URB2: variants seen among roughly 807,000 people sequenced by gnomAD.
URB2 encodes URB2 ribosome biogenesis homolog, also known as unhealthy ribosome biogenesis protein 2 homolog.
A neutral mutation model predicts 120.9 loss-of-function variants in URB2; 86 were observed. That is an observed-to-expected ratio of 0.71 (90% CI 0.60 to 0.85). The LOEUF (loss-of-function observed/expected upper bound fraction) is 0.85, where lower values mean the gene tolerates loss of function less well. Ranked by LOEUF, URB2 falls within the 40% of genes least tolerant of loss-of-function variation. URB2 has a pLI of 0.00. For missense variants in URB2, 1,765 were observed against 1,836.5 expected (o/e 0.96, Z 0.71); for synonymous variants, 755 against 758.4 (o/e 1.00, Z 0.07).
intron 9 of URB2, among the ~76,000 whole-genome samples, chr1:229,658,159 A>T (rs1666447268): frequency 6.6e-6 from 1 of 152,164 alleles, no homozygotes; most frequent in Non-Finnish European, 1.5e-5. Context: ...ACTGTTCATT[A>T]CTACTGCTTT....
intron 4 of URB2, 130 bp from the exon 5 acceptor site, chr1:229,643,403 T>C (rs1026696220): frequency 9.8e-7 from 1 of 1,023,732 alleles, no homozygotes; most frequent in Non-Finnish European, 1.5e-6. Flanking sequence ...CCACCAGTGC[T>C]TATATCACCA....
At chr1:229,651,206 C>T (rs542119407) in intron 7 of URB2, 29 bp from the exon 8 acceptor site, 243 of 1,577,450 alleles carry the variant, frequency 1.5e-4, no homozygotes, top group Non-Finnish European at 2.0e-4. Context: ...CACGTATGTA[C>T]TTTTACATTC....
intron 5 of URB2, 74 bp from the exon 6 acceptor site, chr1:229,645,785 T>G (rs881694): frequency 0.53 from 681,126 of 1,282,964 alleles, 184,154 homozygotes; most frequent in East Asian, 0.8. Context: ...CAGAGAGCAG[T>G]CTTCTTCCCC....
At position 229,659,199 on chromosome 1, in the gene URB2, C is replaced by T; in HGVS notation, c.4477C>T (p.Leu1493=). ...EPDVQFLRAS[L]QPGMRDIFKE... ...TGACGTCCAGTTCCTGCGGGCCTCG[C>T]TGCAGCCGGGAATGAGAGACATCTT... Residue 1493 remains leucine (L), a synonymous_variant, in exon 10 of 10, where the codon CTG becomes TTG. Transcript: ENST00000258243. 6.2e-7 allele frequency: 1 copy of T among 1,613,890 alleles called. No homozygotes were observed. Among genetic ancestry groups the T allele is most frequent in the Non-Finnish European group, 8.5e-7 (1 of 1,180,034 alleles).
intron 8 of URB2, among the ~76,000 whole-genome samples, chr1:229,653,519 T>G (rs1666331302): frequency 1.3e-5 from 2 of 152,156 alleles, no homozygotes; most frequent in African/African-American, 4.8e-5. Flanking sequence ...TTTCTGGAGT[T>G]TTATAAAAAT....
chr1:229,628,136 A>G, intron 2 of URB2, among the ~76,000 whole-genome samples: 2 of 118,982 alleles, frequency 1.7e-5, no homozygotes, highest in African/African-American at 7.4e-5. Flanking sequence ...TACATATATA[A>G]TATATATATA....
intron 5 of URB2, among the ~76,000 whole-genome samples, chr1:229,644,343 C>G (rs562366674): frequency 6.6e-6 from 1 of 152,346 alleles, no homozygotes; most frequent in South Asian, 2.1e-4. Context: ...CTTATTGACT[C>G]CTGGTCATAT....
rs1239994746 is a variant in URB2 at position 229,629,479 on chromosome 1, G to T, written c.126+1720G>T. On this transcript the variant is annotated intron_variant, in intron 2 of 9. Coordinates refer to ENST00000258243, the MANE Select transcript of URB2 (RefSeq NM_014777.4). ...ATAGATCACAATATTGTGAGTCACA[G>T]AAATTTTTTGGTTTCCTAGTGCATA... Among the ~76,000 whole-genome samples the T allele has an allele frequency of 2.0e-5, 3 of 152,284 alleles. No individual in the cohort carries two copies. The South Asian group carries it at 6.2e-4, about 32-fold the overall frequency.
At chr1:229,643,301 G>A (rs563572721) in intron 4 of URB2, among the ~76,000 whole-genome samples, 1 of 152,240 alleles carries the variant, frequency 6.6e-6, no homozygotes, top group Non-Finnish European at 1.5e-5. Context: ...CATGGCTGTC[G>A]TCTTCTGTGT....
In URB2 at chr1:229,626,376, TCAGCCCCTGCGGG is replaced by T. The variant is rs773587721; in HGVS notation, c.-14+26_-14+38del. On this transcript the variant is annotated intron_variant, in intron 1 of 9. Transcript: ENST00000258243. ...CCCGAGGTGAGTCCCCCACCTGCGG[TCAGCCCCTGCGGG>T]CAGCCAGGTCCCGAGGTGAGTCCCC... is the stretch of plus-strand genomic sequence containing the variant. The T allele has an allele frequency of 4.6e-3, 699 of 152,814 alleles. No individual in the cohort carries two copies. The highest frequency in any genetic ancestry group is 7.8e-3 in the Non-Finnish European group (534 of 68,518). The allele number at this position is 152,814 out of a possible 1,614,324, so 9.5% of individuals were successfully genotyped here.
Position 229,637,787 on chromosome 1 carries a change from GT to G in URB2, c.3175del (p.Ser1059LeufsTer2). On this transcript the variant is annotated frameshift_variant, in exon 4 of 10. Coordinates refer to ENST00000258243, the MANE Select transcript of URB2 (RefSeq NM_014777.4). LOFTEE classifies it high-confidence loss of function. ...NPQGRQLLLV[S>X]LTRLCHVLGP... is the part of the protein sequence containing the mutation. Reference sequence around the variant, plus strand: ...CCCAGGGCAGGCAGCTCCTTCTGGTGTCTTTAACCAGGTTGTGCCATGTCCT... The same window carrying G: ...CCCAGGGCAGGCAGCTCCTTCTGGTGCTTTAACCAGGTTGTGCCATGTCCT... 6.2e-7 allele frequency: 1 copy of G among 1,613,964 alleles called. No individual in the cohort carries two copies. Among genetic ancestry groups the G allele is most frequent in the Non-Finnish European group, 8.5e-7 (1 of 1,179,994 alleles).
rs115641620 is a variant in URB2, at chr1:229,635,080, C to T, written c.467C>T (p.Ser156Leu). Residue 156 changes from serine (S) to leucine (L), a missense_variant, in exon 4 of 10, where the codon TCG (serine) becomes TTG (leucine). By Grantham distance (145) the Ser-to-Leu change is moderately radical. Transcript: ENST00000258243. ...MVALLSQLCW[S>L]ACRQPEGAVV... ...GCCTTGCTGAGCCAGCTTTGCTGGT[C>T]GGCCTGCAGGCAGCCCGAAGGAGCT... The T allele has an allele frequency of 1.4e-3, 2,339 of 1,613,952 alleles. 32 individuals are homozygous for T. In the African/African-American group the frequency reaches 0.027, roughly 18 times the overall value.
intron 6 of URB2, among the ~76,000 whole-genome samples, chr1:229,646,432 C>T (rs1399698011): frequency 1.3e-5 from 2 of 152,108 alleles, no homozygotes; most frequent in Non-Finnish European, 2.9e-5. Context: ...TCCCAAGTCA[C>T]CAGGATTATA....
chr1:229,647,288 C>T (rs1474320537), intron 6 of URB2, among the ~76,000 whole-genome samples: 1 of 152,154 alleles, frequency 6.6e-6, no homozygotes, highest in African/African-American at 2.4e-5. Context: ...AGCTGTCCTT[C>T]CTCTTGGGTC....
intron 4 of URB2, among the ~76,000 whole-genome samples, chr1:229,641,641 A>C (rs1398113955): frequency 1.3e-5 from 2 of 152,206 alleles, no homozygotes; most frequent in African/African-American, 4.8e-5. Flanking sequence ...TGTGTCCTTA[A>C]GGATGGCTCA....
At chr1:229,627,188 G>A (rs531807691) in intron 1 of URB2, among the ~76,000 whole-genome samples, 1 of 152,234 alleles carries the variant, frequency 6.6e-6, no homozygotes, top group South Asian at 2.1e-4. Context: ...ATTCCTTTGG[G>A]GTTTTCTTTT....
chr1:229,638,415 G>A (rs1377090276), intron 4 of URB2, among the ~76,000 whole-genome samples, 168 bp downstream of exon 4: 1 of 152,140 alleles, frequency 6.6e-6, no homozygotes, highest in Non-Finnish European at 1.5e-5. Context: ...GGAGGCCGAG[G>A]CGGGCGGATC....
At position 229,645,938 on chromosome 1, in the gene URB2, G is replaced by C. The variant is rs747572919; in HGVS notation, c.3875G>C (p.Arg1292Pro). The C allele has an allele frequency of 1.4e-5, 23 of 1,614,038 alleles. No individual in the cohort carries two copies. Among genetic ancestry groups the C allele is most frequent in the Admixed American group, 1.2e-4 (7 of 60,014 alleles). Residue 1292 changes from arginine (R) to proline (P), a missense_variant, in exon 6 of 10, where the codon CGT (arginine) becomes CCT (proline). Coordinates refer to ENST00000258243, the MANE Select transcript of URB2 (RefSeq NM_014777.4). ...LSGEKASLLW[R>P]ACPQIVTALT... is the part of the protein sequence containing the mutation. The stretch of plus-strand genomic sequence containing the variant: ...GGAGAGAAAGCAAGTCTGTTGTGGC[G>C]TGCGTGTCCCCAGATAGTCACAGCT...
rs747159360 is a variant in URB2, at chr1:229,635,738, C to T, written c.1125C>T (p.Ile375=). Residue 375 remains isoleucine, a synonymous_variant, in exon 4 of 10, where the codon ATC becomes ATT. Transcript: ENST00000258243. ...TGGCCAACAACAATATCTACAACAT[C>T]GCTGCCGACAGAATTCGGCACGAAG... ...NSVANNNIYN[I]AADRIRHEEA... 2.6e-5 allele frequency: 42 copies of T among 1,614,170 alleles called. No homozygotes were observed. The South Asian group carries it at 3.0e-4, about 11-fold the overall frequency.
Sources: gnomAD v4.1 joint callset for allele counts (sites outside exome capture counted in the v4.1 genomes callset) on GRCh38, gnomAD v4.1.1 for gene constraint, MANE v1.5 for transcripts, NCBI Gene and HGNC (gene_info 2026-07-23, HGNC 2026-07-21) for gene names.